Variants in LRP1B observed in about 807,000 individuals in gnomAD.
LRP1B encodes LDL receptor related protein 1B.
Under a neutral mutation model 556.6 loss-of-function variants are expected in LRP1B, and 217 were observed. That is an observed-to-expected ratio of 0.39 (90% CI 0.35 to 0.44). LRP1B has a LOEUF of 0.44. LRP1B is among the 20% of genes least tolerant of loss of function. The pLI is 1.00. For synonymous variants in LRP1B, 2,047 were observed against 1,865.8 expected, an observed-to-expected ratio of 1.10 and a Z score of -2.50; for missense variants, 5,053 against 5,620.8, an observed-to-expected ratio of 0.90 and a Z score of 3.23.
intron 47 of LRP1B, among the ~76,000 whole-genome samples, chr2:140,527,979 G>A (rs1690510175): frequency 6.6e-6 from 1 of 151,784 alleles, no homozygotes; most frequent in African/African-American, 2.4e-5. Flanking sequence ...ATCTCATAAT[G>A]CACTTGAGTT....
intron 41 of LRP1B, among the ~76,000 whole-genome samples, chr2:140,664,810 CT>C (rs2105346652): frequency 6.6e-6 from 1 of 151,952 alleles, no homozygotes; most frequent in South Asian, 2.1e-4. Context: ...TGTCATATTA[CT>C]GTGTAGTGGC....
chr2:141,137,848 T>TTC (rs1227039093), intron 7 of LRP1B, among the ~76,000 whole-genome samples: 9 of 152,038 alleles, frequency 5.9e-5, no homozygotes, highest in East Asian at 1.9e-4. Flanking sequence ...ACAACACTGT[T>TTC]TCACTTGTAA....
chr2:140,923,108 T>G lies in LRP1B; in HGVS notation c.3176A>C (p.Gln1059Pro). ...AACGCAATTACCATCAGGGTGGCAC[T>G]GAAATTCATTTCCGTTACAACCAGC... The part of the protein sequence containing the change: ...SPAGCNGNEF[Q>P]CHPDGNCVPD... Residue 1059 changes from glutamine to proline, a missense_variant, in exon 21 of 91, where the codon CAG becomes CCG. By Grantham distance (76) the Gln-to-Pro change is moderately conservative. This residue lies in a region of LRP1B where 3,619 missense variants were observed against 3,931.9 expected (regional missense o/e 0.92). Coordinates refer to ENST00000389484, the MANE Select transcript of LRP1B (RefSeq NM_018557.3). The G allele has an allele frequency of 6.2e-7, 1 of 1,612,038 alleles. No homozygotes were observed. Among genetic ancestry groups the G allele is most frequent in the Non-Finnish European group, 8.5e-7 (1 of 1,178,874 alleles).
chr2:142,040,146 T>C (rs1415446753), intron 1 of LRP1B, among the ~76,000 whole-genome samples: 1 of 151,464 alleles, frequency 6.6e-6, no homozygotes, highest in African/African-American at 2.4e-5. Flanking sequence ...TTTTAACTTG[T>C]CTATATGTTT....
At position 141,039,082 on chromosome 2, in the gene LRP1B, G is replaced by A. The variant is rs572288934; in HGVS notation, c.1789+9904C>T. 4.7e-4 allele frequency among the ~76,000 whole-genome samples: 71 copies of A among 152,156 alleles called. 1 individual carries two copies. The South Asian group carries it at 7.3e-3, about 16-fold the overall frequency. On this transcript the variant is annotated intron_variant, in intron 11 of 90. Transcript: ENST00000389484. The stretch of plus-strand genomic sequence containing the variant: ...ACTCATAAGTTTTAAATTGTCTGCT[G>A]TTCTGAGTAACATTTTGAAACCTTG...
chr2:140,827,951 A>T (rs1188259175), intron 31 of LRP1B, among the ~76,000 whole-genome samples: 1 of 145,928 alleles, frequency 6.9e-6, no homozygotes, highest in Admixed American at 7.0e-5. Context: ...AGGCCTGGAG[A>T]GAGTGGGGTG....
At chr2:141,270,664 A>T (rs947929396) in intron 3 of LRP1B, among the ~76,000 whole-genome samples, 15 of 152,088 alleles carry the variant, frequency 9.9e-5, no homozygotes, top group African/African-American at 3.6e-4. Flanking sequence ...AGTCATTACC[A>T]TTAATGAAAT....
At chr2:140,606,573 A>G (rs1682875426) in intron 41 of LRP1B, among the ~76,000 whole-genome samples, 1 of 152,086 alleles carries the variant, frequency 6.6e-6, no homozygotes, top group African/African-American at 2.4e-5. Context: ...AAATGAAAAA[A>G]ACAAAGTTAG....
chr2:141,813,153 A>C (rs1696413715), intron 1 of LRP1B, among the ~76,000 whole-genome samples: 1 of 152,184 alleles, frequency 6.6e-6, no homozygotes, highest in African/African-American at 2.4e-5. Flanking sequence ...GGGATACGAT[A>C]ATGAAAATAA....
In LRP1B at chr2:140,495,619, T is replaced by C. The variant is rs754851009; in HGVS notation, c.8980A>G (p.Thr2994Ala). 1.9e-6 allele frequency: 3 copies of C among 1,613,868 alleles called. No homozygotes were observed. In the Admixed American group the frequency reaches 5.0e-5, roughly 27 times the overall value. ...NTYGTYKCLC[T>A]DGYEIQPDNP... ...TCAGGTTGTATTTCATACCCATCTG[T>C]ACAGAGGCACTTGTAAGTCCCGTAT... Residue 2994 changes from threonine to alanine, a missense_variant, in exon 56 of 91, where the codon ACA becomes GCA. Physicochemically the swap from Thr to Ala is moderately conservative, Grantham distance 58. Transcript: ENST00000389484.
intron 62 of LRP1B, among the ~76,000 whole-genome samples, chr2:140,455,678 C>T (rs1687074703): frequency 2.6e-5 from 4 of 152,132 alleles, no homozygotes; most frequent in Admixed American, 1.3e-4. Context: ...TTAGCTTCTC[C>T]ATTTTGAAGA....
chr2:141,763,986 A>C (rs1368844123), intron 2 of LRP1B, among the ~76,000 whole-genome samples: 1 of 152,166 alleles, frequency 6.6e-6, no homozygotes, highest in Non-Finnish European at 1.5e-5. Context: ...GAAGTTTTGA[A>C]ATTTTCCATG....
At chr2:141,652,736 T>C (rs1300048789) in intron 2 of LRP1B, among the ~76,000 whole-genome samples, 1 of 152,212 alleles carries the variant, frequency 6.6e-6, no homozygotes. Flanking sequence ...TTTGAAATCA[T>C]AACATAGGCA....
At chr2:141,762,003 A>G (rs1558858559) in intron 2 of LRP1B, among the ~76,000 whole-genome samples, 2 of 152,150 alleles carry the variant, frequency 1.3e-5, no homozygotes, top group Admixed American at 1.3e-4. Flanking sequence ...ACTCTCTGAA[A>G]AGAAGATTTT....
chr2:140,947,806 T>C (rs1467818470), intron 20 of LRP1B, among the ~76,000 whole-genome samples: 1 of 152,196 alleles, frequency 6.6e-6, no homozygotes, highest in African/African-American at 2.4e-5. Context: ...ATCTGATCAA[T>C]ACAAATTAGT....
At chr2:141,797,033 C>T (rs995394611) in intron 2 of LRP1B, among the ~76,000 whole-genome samples, 1 of 150,424 alleles carries the variant, frequency 6.6e-6, no homozygotes, top group Non-Finnish European at 1.5e-5. Flanking sequence ...GTTCACAAAA[C>T]AATTGTGTAA....
chr2:140,521,632 A>G (rs1170822725), intron 49 of LRP1B, among the ~76,000 whole-genome samples: 1 of 152,158 alleles, frequency 6.6e-6, no homozygotes, highest in African/African-American at 2.4e-5. Context: ...CACAAATGAC[A>G]CTAAAAATCA....
At chr2:140,562,154 C>T (rs1235077863) in intron 43 of LRP1B, among the ~76,000 whole-genome samples, 3 of 151,970 alleles carry the variant, frequency 2.0e-5, no homozygotes, top group African/African-American at 7.3e-5. Context: ...GATTATAAGA[C>T]CCTATATATT....
At chr2:141,681,864 T>C (rs1248838011) in intron 2 of LRP1B, among the ~76,000 whole-genome samples, 1 of 152,166 alleles carries the variant, frequency 6.6e-6, no homozygotes, top group Non-Finnish European at 1.5e-5. Flanking sequence ...TTCAATAGAA[T>C]TTGAGAAAGA....
Sources: gnomAD v4.1 joint callset for allele counts (sites outside exome capture counted in the v4.1 genomes callset) on GRCh38, gnomAD v4.1.1 for gene constraint, gnomAD v4.1.1 regional missense constraint, MANE v1.5 for transcripts, NCBI Gene and HGNC (gene_info 2026-07-23, HGNC 2026-07-21) for gene names.